The following RAB3GAP2 variants were observed in gnomAD, a reference collection of about 807,000 sequenced individuals.
RAB3GAP2 encodes the protein rab3 GTPase-activating protein non-catalytic subunit.
In RAB3GAP2, 87 loss-of-function variants were observed where a neutral mutation model predicts 185.3. That is an observed-to-expected ratio of 0.47 (90% CI 0.39 to 0.56). RAB3GAP2 has a LOEUF of 0.56. Among genes scored for constraint, RAB3GAP2 ranks in the 20% least tolerant of loss-of-function variants. RAB3GAP2 has a pLI of 0.00. For synonymous variants in RAB3GAP2, 554 were observed against 576.1 expected (o/e 0.96, Z 0.55); for missense variants, 1,492 against 1,638.2 (o/e 0.91, Z 1.54).
At chr1:220,254,754 A>C (rs1038984463) in intron 1 of RAB3GAP2, among the ~76,000 whole-genome samples, 1 of 151,694 alleles carries the variant, frequency 6.6e-6, no homozygotes, top group African/African-American at 2.4e-5. Context: ...AGTGTTTTCA[A>C]TGATGGACAA....
At chr1:220,197,806 G>C (rs1196023593) in intron 9 of RAB3GAP2, among the ~76,000 whole-genome samples, 1 of 152,000 alleles carries the variant, frequency 6.6e-6, no homozygotes, top group African/African-American at 2.4e-5. Flanking sequence ...TTTATTGTAA[G>C]GAAATGGCTG....
chr1:220,187,637 A>T (rs902257529), intron 17 of RAB3GAP2, among the ~76,000 whole-genome samples: 2 of 152,112 alleles, frequency 1.3e-5, no homozygotes, highest in Non-Finnish European at 2.9e-5. Flanking sequence ...CCAAAAGGAC[A>T]AGGGTTGGAA....
At chr1:220,233,012 T>C (rs1659528705) in intron 1 of RAB3GAP2, 149 bp from the exon 2 acceptor site, 5 of 665,050 alleles carry the variant, frequency 7.5e-6, no homozygotes, top group Non-Finnish European at 1.3e-5. Flanking sequence ...ACCAGGATTT[T>C]GCTATATGTA....
chr1:220,191,071 C>A lies in RAB3GAP2; in HGVS notation c.1484G>T (p.Cys495Phe). Residue 495 changes from cysteine (C) to phenylalanine (F), a missense_variant, in exon 14 of 35, where the codon TGC becomes TTC. Coordinates refer to ENST00000358951, the MANE Select transcript of RAB3GAP2 (RefSeq NM_012414.4). ...RVGAFNVGKH[C>F]RLLYPGYKIM... ...AATGCCAGCATTTGCAGCTTACCTGCAGTGCTTCCCCACATTGAAAGCTCC... is the reference window on the plus strand; with the variant it reads ...AATGCCAGCATTTGCAGCTTACCTGAAGTGCTTCCCCACATTGAAAGCTCC... The A allele has an allele frequency of 1.9e-6, 3 of 1,612,560 alleles. No homozygotes were observed. The highest frequency in any genetic ancestry group is 2.5e-6 in the Non-Finnish European group (3 of 1,178,972).
At chr1:220,176,838 C>A (rs1385648002) in intron 21 of RAB3GAP2, among the ~76,000 whole-genome samples, 1 of 152,192 alleles carries the variant, frequency 6.6e-6, no homozygotes, top group Non-Finnish European at 1.5e-5. Flanking sequence ...TCTGAGCCAA[C>A]ATGAGACACA....
chr1:220,204,164 C>T (rs1434808788), intron 8 of RAB3GAP2, among the ~76,000 whole-genome samples: 1 of 152,138 alleles, frequency 6.6e-6, no homozygotes, highest in South Asian at 2.1e-4. Context: ...CTAAATCCAG[C>T]ATCTCATATT....
At chr1:220,165,027 C>T (rs960369008) in intron 26 of RAB3GAP2, among the ~76,000 whole-genome samples, 10 of 151,826 alleles carry the variant, frequency 6.6e-5, no homozygotes, top group African/African-American at 2.2e-4. Context: ...GTCATATGGG[C>T]TAACATCTGG....
chr1:220,191,975 T>C (rs967607403), intron 13 of RAB3GAP2, among the ~76,000 whole-genome samples: 1 of 152,152 alleles, frequency 6.6e-6, no homozygotes, highest in African/African-American at 2.4e-5. Flanking sequence ...ATGGGAGACG[T>C]AGCTGATGCT....
Position 220,174,259 on chromosome 1 carries a change from TACACACAC to T in RAB3GAP2, c.2311-1525_2311-1518del, listed in dbSNP as rs759823589. 3.3e-5 allele frequency among the ~76,000 whole-genome samples: 5 copies of T among 151,540 alleles called. No individual in the cohort carries two copies. In the East Asian group the frequency reaches 9.7e-4, roughly 29 times the overall value. On this transcript the variant is annotated intron_variant, in intron 21 of 34. Coordinates refer to ENST00000358951, the MANE Select transcript of RAB3GAP2 (RefSeq NM_012414.4). ...TTACACTTACGAAACCACACATATA[TACACACAC>T]ACACATACACGCACACTCTTTAATG...
At chr1:220,245,176 G>GA (rs1166428233) in intron 1 of RAB3GAP2, among the ~76,000 whole-genome samples, 1 of 152,032 alleles carries the variant, frequency 6.6e-6, no homozygotes, top group East Asian at 1.9e-4. Flanking sequence ...CAAGATGGCC[G>GA]AATAGGAACA....
At chr1:220,152,826 G>C (rs940846861) in intron 33 of RAB3GAP2, among the ~76,000 whole-genome samples, 1 of 152,120 alleles carries the variant, frequency 6.6e-6, no homozygotes, top group Admixed American at 6.5e-5. Flanking sequence ...AAAGTGCTGG[G>C]ATTACACGTG....
chr1:220,151,171 T>C lies in RAB3GAP2; in HGVS notation c.*80A>G, dbSNP rs1056952590. On this transcript the variant is annotated 3_prime_UTR_variant, in exon 35 of 35. Transcript: ENST00000358951. ...AAAAGACATACTTTTCCCATAAAAT[T>C]CCAGGTCTTACTATGTAAAATAACC... 10 of 1,398,414 alleles carry C rather than the reference T, an allele frequency of 7.2e-6. No individual in the cohort carries two copies. The Admixed American group carries it at 1.8e-4, about 26-fold the overall frequency. 86.6% of individuals were successfully genotyped at this position (1,398,414 alleles called of 1,614,324 possible).
At chr1:220,239,420 G>A (rs757028485) in intron 1 of RAB3GAP2, among the ~76,000 whole-genome samples, 17 of 151,994 alleles carry the variant, frequency 1.1e-4, no homozygotes, top group African/African-American at 4.8e-5. Flanking sequence ...TTGCAGAGTC[G>A]GGGTTTCACC....
chr1:220,189,951 C>A (rs1658582251), intron 16 of RAB3GAP2, 113 bp downstream of exon 16: 1 of 1,094,290 alleles, frequency 9.1e-7, no homozygotes, highest in Non-Finnish European at 1.4e-6. Flanking sequence ...CCTTACAGAG[C>A]AATTCCAATA....
chr1:220,225,798 G>A (rs1309249284), intron 2 of RAB3GAP2, among the ~76,000 whole-genome samples: 2 of 152,130 alleles, frequency 1.3e-5, no homozygotes, highest in South Asian at 2.1e-4. Context: ...TTCTTCTTCC[G>A]CCTCTGGTCA....
At chr1:220,234,171 T>C (rs1443400396) in intron 1 of RAB3GAP2, among the ~76,000 whole-genome samples, 1 of 152,206 alleles carries the variant, frequency 6.6e-6, no homozygotes, top group Non-Finnish European at 1.5e-5. Context: ...TTACACCAGA[T>C]AGCATACTAA....
chr1:220,194,847 G>T (rs754091659), intron 12 of RAB3GAP2, among the ~76,000 whole-genome samples: 14 of 152,156 alleles, frequency 9.2e-5, no homozygotes, highest in Non-Finnish European at 1.6e-4. Context: ...GCACACTCAA[G>T]AAATACATCT....
chr1:220,190,535 T>C lies in RAB3GAP2; in HGVS notation c.1488-15A>G, dbSNP rs1200793803. ...GATACAGCAGCCTAAAGAAATCACA[T>C]ACCAATATGGTAAAAATATTAGAAC... On this transcript the variant is annotated splice_polypyrimidine_tract_variant and intron_variant, in intron 14 of 34. Transcript: ENST00000358951. 2 of 1,577,206 alleles carry C rather than the reference T, an allele frequency of 1.3e-6. No individual in the cohort carries two copies. The highest frequency in any genetic ancestry group is 2.2e-5 in the East Asian group (1 of 44,674).
intron 15 of RAB3GAP2, 94 bp from the exon 16 acceptor site, chr1:220,190,240 C>T: frequency 2.7e-6 from 4 of 1,498,892 alleles, no homozygotes; most frequent in Non-Finnish European, 1.8e-6. Flanking sequence ...TTATATATTT[C>T]CTATTTAACT....
Sources: gnomAD v4.1 joint callset for allele counts (sites outside exome capture counted in the v4.1 genomes callset) on GRCh38, gnomAD v4.1.1 for gene constraint, MANE v1.5 for transcripts, NCBI Gene and HGNC (gene_info 2026-07-23, HGNC 2026-07-21) for gene names.